Variants in CALN1 observed in about 807,000 individuals in gnomAD.
The protein encoded by CALN1 is calneuron 1, also known as calcium-binding protein 8.
A neutral mutation model predicts 30.6 loss-of-function variants in CALN1; 17 were observed. The observed-to-expected ratio is 0.56, with a 90% CI of 0.38 to 0.83. The LOEUF (loss-of-function observed/expected upper bound fraction) is 0.83, where lower values mean the gene tolerates loss of function less well. CALN1 is among the 40% of genes least tolerant of loss of function. CALN1 has a pLI of 0.00. For synonymous variants in CALN1, 156 were observed against 131.4 expected (o/e 1.19, Z -1.28); for missense variants, 291 against 354.9 (o/e 0.82, Z 1.45).
At chr7:72,056,904 C>T (rs540536555) in intron 4 of CALN1, among the ~76,000 whole-genome samples, 2 of 152,170 alleles carry the variant, frequency 1.3e-5, no homozygotes, top group Admixed American at 6.5e-5. Flanking sequence ...TTTTCCACAT[C>T]CCCAGTATGC....
chr7:72,031,438 A>G (rs1180314373), intron 4 of CALN1, among the ~76,000 whole-genome samples: 2 of 152,196 alleles, frequency 1.3e-5, no homozygotes, highest in Non-Finnish European at 2.9e-5. Context: ...CCATGCCAAC[A>G]CTATAAATAG....
chr7:72,250,441 T>C (rs967191271), intron 3 of CALN1, among the ~76,000 whole-genome samples: 3 of 152,176 alleles, frequency 2.0e-5, no homozygotes, highest in African/African-American at 7.2e-5. Context: ...GGCACATGGA[T>C]AGCCTGGCTC....
chr7:72,236,946 G>A (rs1483211183), intron 3 of CALN1, among the ~76,000 whole-genome samples: 6 of 151,910 alleles, frequency 3.9e-5, no homozygotes, highest in African/African-American at 1.2e-4. Flanking sequence ...GCAGTGGGAG[G>A]TGAAGTCTGA....
chr7:72,259,608 G>C (rs1406830664), intron 3 of CALN1, among the ~76,000 whole-genome samples: 3 of 152,162 alleles, frequency 2.0e-5, no homozygotes, highest in African/African-American at 7.2e-5. Flanking sequence ...TGAGTTGTGT[G>C]ACTTGGCCAA....
chr7:72,145,757 A>C (rs1786664120), intron 3 of CALN1, among the ~76,000 whole-genome samples: 1 of 152,190 alleles, frequency 6.6e-6, no homozygotes, highest in African/African-American at 2.4e-5. Context: ...GCAGCACATC[A>C]AAAAGCTTAT....
At chr7:72,321,883 C>G (rs1484971681) in intron 2 of CALN1, among the ~76,000 whole-genome samples, 2 of 152,124 alleles carry the variant, frequency 1.3e-5, no homozygotes, top group East Asian at 3.9e-4. Flanking sequence ...TGACTCTAAA[C>G]AAATCACCCT....
At chr7:72,003,147 C>T (rs955668265) in intron 5 of CALN1, among the ~76,000 whole-genome samples, 4 of 152,100 alleles carry the variant, frequency 2.6e-5, no homozygotes, top group Admixed American at 2.0e-4. Flanking sequence ...TAAATCTATA[C>T]AATTTTTATT....
chr7:72,394,224 C>G (rs192994668), intron 2 of CALN1, among the ~76,000 whole-genome samples: 6 of 152,174 alleles, frequency 3.9e-5, no homozygotes, highest in African/African-American at 1.4e-4. Context: ...CTTTCTGTCA[C>G]CTCCTTCCCC....
At chr7:72,184,478 T>C (rs73141552) in intron 3 of CALN1, among the ~76,000 whole-genome samples, 25,291 of 152,272 alleles carry the variant, frequency 0.17, 2,619 homozygotes, top group East Asian at 0.29. Context: ...GTGAGCAATA[T>C]AGGAGTTAAC....
chr7:72,246,435 C>T (rs1795161414), intron 3 of CALN1, among the ~76,000 whole-genome samples: 1 of 152,106 alleles, frequency 6.6e-6, no homozygotes, highest in Admixed American at 6.5e-5. Flanking sequence ...AGAGTGGTGT[C>T]CTCCCTGGGA....
chr7:71,979,468 G>A (rs546005080), intron 5 of CALN1, among the ~76,000 whole-genome samples: 20 of 152,182 alleles, frequency 1.3e-4, no homozygotes, highest in Middle Eastern at 6.8e-3. Flanking sequence ...CCTCACATGC[G>A]CAGTTCACAA....
Position 71,951,015 on chromosome 7 carries a change from T to C in CALN1, c.501+72642A>G, listed in dbSNP as rs116280047. On this transcript the variant is annotated intron_variant, in intron 5 of 6. Transcript: ENST00000395275. The stretch of plus-strand genomic sequence containing the variant: ...GTCTATCCCCGTTTTATTTCTACCA[T>C]AACATTTATCCATAAATGACATTTC... Among the ~76,000 whole-genome samples the C allele has an allele frequency of 7.0e-3, 1,063 of 152,324 alleles. 8 individuals carry two copies. Among genetic ancestry groups the C allele is most frequent in the African/African-American group, 0.023 (954 of 41,576 alleles).
chr7:72,279,799 C>T (rs78599831), intron 2 of CALN1, among the ~76,000 whole-genome samples: 5,556 of 152,290 alleles, frequency 0.036, 322 homozygotes, highest in African/African-American at 0.12. Flanking sequence ...TTGAACAAGA[C>T]GCCGAATGCT....
At chr7:71,999,020 T>C (rs1482543223) in intron 5 of CALN1, among the ~76,000 whole-genome samples, 5 of 152,108 alleles carry the variant, frequency 3.3e-5, no homozygotes, top group African/African-American at 1.2e-4. Flanking sequence ...ATGTAAATGG[T>C]CTAAGTACAC....
intron 5 of CALN1, among the ~76,000 whole-genome samples, chr7:71,948,857 C>CA (rs1381990978): frequency 7.9e-5 from 12 of 151,336 alleles, no homozygotes; most frequent in Admixed American, 7.2e-4. Flanking sequence ...GCCTGGGCAA[C>CA]ATAGTGAGAC....
At chr7:72,464,413 C>T in the CALN1 span, among the ~76,000 whole-genome samples, 2 of 152,164 alleles carry the variant, frequency 1.3e-5, no homozygotes, top group African/African-American at 4.8e-5. Flanking sequence ...ATCTTTTCTT[C>T]GATGCCTCTG....
intron 2 of CALN1, among the ~76,000 whole-genome samples, chr7:72,319,448 T>G (rs1034506960): frequency 3.3e-5 from 5 of 152,162 alleles, no homozygotes; most frequent in African/African-American, 1.2e-4. Context: ...ATGGAAAAGA[T>G]TCAATTACCC....
chr7:72,110,435 C>T (rs527627953), intron 3 of CALN1, among the ~76,000 whole-genome samples: 1 of 152,348 alleles, frequency 6.6e-6, no homozygotes, highest in South Asian at 2.1e-4. Flanking sequence ...ACTCTGTAGT[C>T]TGTAGCAAGG....
chr7:71,980,698 A>G (rs1798349208), intron 5 of CALN1, among the ~76,000 whole-genome samples: 1 of 152,224 alleles, frequency 6.6e-6, no homozygotes, highest in Non-Finnish European at 1.5e-5. Context: ...GTCCATTTAA[A>G]GAACAAAGTA....
Sources: gnomAD v4.1 joint callset for allele counts (sites outside exome capture counted in the v4.1 genomes callset) on GRCh38, gnomAD v4.1.1 for gene constraint, MANE v1.5 for transcripts, NCBI Gene and HGNC (gene_info 2026-07-23, HGNC 2026-07-21) for gene names.